SLCO4C1: variants seen among roughly 807,000 people sequenced by gnomAD.
SLCO4C1 encodes solute carrier organic anion transporter family member 4C1.
Under a neutral mutation model 72.1 loss-of-function variants are expected in SLCO4C1, and 58 were observed. The ratio of observed to expected loss-of-function variants is 0.80; its 90% CI spans 0.65 to 1.00. The LOEUF (loss-of-function observed/expected upper bound fraction) is 1.00, where lower values mean the gene tolerates loss of function less well. SLCO4C1 is among the 50% of genes least tolerant of loss of function. The pLI is 0.00. For synonymous variants in SLCO4C1, 297 were observed against 312.5 expected, an observed-to-expected ratio of 0.95 and a Z score of 0.52; for missense variants, 898 against 857.9, an observed-to-expected ratio of 1.05 and a Z score of -0.58.
intron 2 of SLCO4C1, among the ~76,000 whole-genome samples, chr5:102,286,972 T>G (rs1033797092): frequency 4.6e-5 from 7 of 152,178 alleles, no homozygotes; most frequent in African/African-American, 1.7e-4. Context: ...CCATCCAAAG[T>G]GAGCCCTGAT....
In SLCO4C1 at chr5:102,263,770, A is replaced by G. The variant is rs1748985427; in HGVS notation, c.813T>C (p.Tyr271=). The G allele has an allele frequency of 6.2e-7, 1 of 1,612,206 alleles. No individual in the cohort carries two copies. Among genetic ancestry groups the G allele is most frequent in the Non-Finnish European group, 8.5e-7 (1 of 1,178,776 alleles). ...TAGCAGGGCCTAAGATTGACATAGC[A>G]TAACCGGTTCCTAGAAGAAGAACAG... The part of the protein sequence containing the change: ...HKSSLYIGTG[Y]AMSILGPAIG... Residue 271 remains tyrosine, a synonymous_variant, in exon 4 of 13, where the codon TAT becomes TAC. Coordinates refer to ENST00000310954, the MANE Select transcript of SLCO4C1 (RefSeq NM_180991.5).
chr5:102,243,007 A>C (rs1430667425), intron 10 of SLCO4C1, among the ~76,000 whole-genome samples: 1 of 152,136 alleles, frequency 6.6e-6, no homozygotes, highest in African/African-American at 2.4e-5. Context: ...GCCAGCATTC[A>C]TGACAAGCTG....
At chr5:102,241,188 C>G (rs1428751431) in intron 10 of SLCO4C1, among the ~76,000 whole-genome samples, 1 of 152,086 alleles carries the variant, frequency 6.6e-6, no homozygotes, top group African/African-American at 2.4e-5. Flanking sequence ...AGCCTTTCCT[C>G]TAAGATGAAG....
chr5:102,239,051 G>A (rs62370436), intron 12 of SLCO4C1, among the ~76,000 whole-genome samples, 200 bp downstream of exon 12: 12 of 151,928 alleles, frequency 7.9e-5, no homozygotes, highest in Non-Finnish European at 1.8e-4. Flanking sequence ...ATTTAGTACT[G>A]AGCCTTGCAA....
intron 8 of SLCO4C1, among the ~76,000 whole-genome samples, chr5:102,250,313 A>G (rs908809886): frequency 2.0e-5 from 3 of 152,182 alleles, no homozygotes; most frequent in Admixed American, 6.5e-5. Flanking sequence ...TCCTTACCAA[A>G]TATAATTTTC....
At chr5:102,237,576 C>T (rs1748463011) in intron 12 of SLCO4C1, among the ~76,000 whole-genome samples, 1 of 152,152 alleles carries the variant, frequency 6.6e-6, no homozygotes, top group African/African-American at 2.4e-5. Context: ...CACACCACTG[C>T]ACTCCAGCCT....
chr5:102,269,352 ATT>A (rs59773954), intron 3 of SLCO4C1, among the ~76,000 whole-genome samples: 1 of 150,150 alleles, frequency 6.7e-6, no homozygotes, highest in East Asian at 2.0e-4. Context: ...AGCTTTCTTT[ATT>A]TTTTTTTTCA....
intron 8 of SLCO4C1, among the ~76,000 whole-genome samples, chr5:102,251,800 T>C (rs1430766403): frequency 1.3e-5 from 2 of 152,132 alleles, no homozygotes; most frequent in East Asian, 3.9e-4. Flanking sequence ...ATAAGATCAG[T>C]CATATAGTGT....
Position 102,249,868 on chromosome 5 carries a change from CCATTAGGT to C in SLCO4C1, c.1470-88_1470-81del, listed in dbSNP as rs1748706048. 3.6e-6 allele frequency: 5 copies of C among 1,379,982 alleles called. No individual in the cohort carries two copies. In the African/African-American group the frequency reaches 7.3e-5, roughly 20 times the overall value. 85.5% of individuals were successfully genotyped at this position (1,379,982 alleles called of 1,614,324 possible). A position where few individuals can be genotyped will look rare whatever the true frequency, so the allele number is the denominator to read the frequency against. On this transcript the variant is annotated intron_variant, in intron 8 of 12. Coordinates refer to ENST00000310954, the MANE Select transcript of SLCO4C1 (RefSeq NM_180991.5). The stretch of plus-strand genomic sequence containing the variant: ...AATTTCGAAGCACTGTTATATCTTA[CCATTAGGT>C]CATTTATTCACTCACTCAACACATA...
At chr5:102,291,300 A>T (rs1320922731) in intron 2 of SLCO4C1, 43 bp downstream of exon 2, 1 of 1,582,228 alleles carries the variant, frequency 6.3e-7, no homozygotes, top group Non-Finnish European at 8.6e-7. Flanking sequence ...AGTTTTATCC[A>T]CTTCTTCAGA....
intron 5 of SLCO4C1, among the ~76,000 whole-genome samples, chr5:102,261,684 G>C (rs1230682032): frequency 6.6e-6 from 1 of 151,606 alleles, no homozygotes; most frequent in Admixed American, 6.6e-5. Flanking sequence ...TACTAAAGAG[G>C]TAAATATTCA....
At chr5:102,294,889 A>G (rs1055766367) in intron 1 of SLCO4C1, among the ~76,000 whole-genome samples, 1 of 152,224 alleles carries the variant, frequency 6.6e-6, no homozygotes, top group African/African-American at 2.4e-5. Context: ...CCAACCCTCT[A>G]AAATCTATAT....
At chr5:102,237,892 C>T (rs1748468928) in intron 12 of SLCO4C1, among the ~76,000 whole-genome samples, 1 of 152,114 alleles carries the variant, frequency 6.6e-6, no homozygotes, top group Non-Finnish European at 1.5e-5. Context: ...TGATTTATTT[C>T]CAAGTAAATC....
chr5:102,246,571 C>T (rs1748639622), intron 10 of SLCO4C1, among the ~76,000 whole-genome samples: 1 of 151,854 alleles, frequency 6.6e-6, no homozygotes, highest in Non-Finnish European at 1.5e-5. Context: ...CAAAGCTACT[C>T]TAAGCAAAAA....
At chr5:102,287,975 T>C (rs1199600323) in intron 2 of SLCO4C1, among the ~76,000 whole-genome samples, 2 of 152,108 alleles carry the variant, frequency 1.3e-5, no homozygotes, top group Admixed American at 6.5e-5. Flanking sequence ...CATACCACAA[T>C]GACACTTCTG....
chr5:102,284,345 A>C (rs1413902311), intron 2 of SLCO4C1, among the ~76,000 whole-genome samples: 1 of 152,184 alleles, frequency 6.6e-6, no homozygotes, highest in African/African-American at 2.4e-5. Flanking sequence ...GACCTAGTCT[A>C]TATCACATGC....
At chr5:102,239,746 T>C (rs1027892753) in intron 11 of SLCO4C1, among the ~76,000 whole-genome samples, 1 of 152,070 alleles carries the variant, frequency 6.6e-6, no homozygotes, top group African/African-American at 2.4e-5. Context: ...TTATTCATGA[T>C]GCACAAATAA....
intron 2 of SLCO4C1, among the ~76,000 whole-genome samples, 176 bp from the exon 3 acceptor site, chr5:102,270,982 C>T (rs976982478): frequency 3.9e-5 from 6 of 152,096 alleles, no homozygotes; most frequent in Admixed American, 6.6e-5. Context: ...CTTACCCCAG[C>T]CTGCCCTCAC....
At position 102,235,868 on chromosome 5, in the gene SLCO4C1, T is replaced by C. The variant is rs1311626248; in HGVS notation, c.*990A>G. ...AAAATGGTCCCTGATGCAAAAAAGG[T>C]TGGGGACTGCTGAGTTAAAGGGTAG... On this transcript the variant is annotated 3_prime_UTR_variant, in exon 13 of 13. Transcript: ENST00000310954. 2 of 152,176 alleles carry C rather than the reference T, an allele frequency of 1.3e-5. No homozygotes were observed. Among genetic ancestry groups the C allele is most frequent in the Admixed American group, 6.5e-5 (1 of 15,272 alleles). The allele number at this position is 152,176 out of a possible 1,614,324, so 9.4% of individuals were successfully genotyped here.
Sources: gnomAD v4.1 joint callset for allele counts (sites outside exome capture counted in the v4.1 genomes callset) on GRCh38, gnomAD v4.1.1 for gene constraint, MANE v1.5 for transcripts, NCBI Gene and HGNC (gene_info 2026-07-23, HGNC 2026-07-21) for gene names.